Variants in RAPGEF5 observed in about 807,000 individuals in gnomAD.
The protein encoded by RAPGEF5 is M-Ras-regulated GEF.
Under a neutral mutation model 125.2 loss-of-function variants are expected in RAPGEF5, and 65 were observed. The observed-to-expected ratio is 0.52, with a 90% CI of 0.43 to 0.64. The LOEUF (loss-of-function observed/expected upper bound fraction) is 0.64, where lower values mean the gene tolerates loss of function less well. RAPGEF5 is among the 30% of genes least tolerant of loss of function. The pLI, the probability that RAPGEF5 is intolerant of heterozygous loss-of-function variation, is 0.00. For missense variants in RAPGEF5, 958 were observed against 1,048.1 expected (o/e 0.91, Z 1.19); for synonymous variants, 391 against 385.9 (o/e 1.01, Z -0.16).
intron 24 of RAPGEF5, among the ~76,000 whole-genome samples, chr7:22,128,311 T>C (rs1479076235): frequency 1.3e-5 from 2 of 152,204 alleles, no homozygotes; most frequent in African/African-American, 4.8e-5. Context: ...GCAAGGAATG[T>C]AGCATAAAGA....
chr7:22,132,454 ACT>A (rs1372506119), intron 23 of RAPGEF5, among the ~76,000 whole-genome samples: 1 of 151,978 alleles, frequency 6.6e-6, no homozygotes, highest in Non-Finnish European at 1.5e-5. Context: ...CTCCTGACAA[ACT>A]CTCTGGTTAT....
intron 1 of RAPGEF5, 74 bp from the exon 2 acceptor site, chr7:22,318,111 A>T (rs1783640205): frequency 1.4e-6 from 2 of 1,443,158 alleles, no homozygotes; most frequent in Admixed American, 5.7e-5. Context: ...AACATAAGCA[A>T]CAGTGGCCAG....
At chr7:22,226,836 A>G (rs1367744140) in intron 8 of RAPGEF5, among the ~76,000 whole-genome samples, 1 of 152,146 alleles carries the variant, frequency 6.6e-6, no homozygotes, top group Non-Finnish European at 1.5e-5. Context: ...TTTGTATAGG[A>G]TGGACAGACC....
intron 7 of RAPGEF5, among the ~76,000 whole-genome samples, chr7:22,251,402 T>C (rs1216812041): frequency 1.3e-5 from 2 of 152,198 alleles, no homozygotes; most frequent in Admixed American, 6.5e-5. Flanking sequence ...ATTAGCATAA[T>C]GGCCTCTTGG....
chr7:22,136,148 A>G (rs758118786), intron 22 of RAPGEF5, 23 bp from the exon 23 acceptor site: 1 of 1,537,694 alleles, frequency 6.5e-7, no homozygotes, highest in Admixed American at 1.9e-5. Context: ...GCAGATTACA[A>G]AGAGAAAGAA....
chr7:22,199,113 G>T (rs1785217319), intron 9 of RAPGEF5, among the ~76,000 whole-genome samples: 1 of 152,184 alleles, frequency 6.6e-6, no homozygotes, highest in South Asian at 2.1e-4. Flanking sequence ...AGCATAGCCG[G>T]TTTTTAGTTC....
At chr7:22,217,446 C>T (rs779976350) in intron 9 of RAPGEF5, among the ~76,000 whole-genome samples, 15 of 152,198 alleles carry the variant, frequency 9.9e-5, no homozygotes, top group Non-Finnish European at 1.9e-4. Context: ...GGTATAGGCA[C>T]ATCAAATGCC....
chr7:22,285,157 C>A (rs974309509), intron 6 of RAPGEF5, among the ~76,000 whole-genome samples: 1 of 152,182 alleles, frequency 6.6e-6, no homozygotes. Context: ...CGGCTCACAG[C>A]TGCTGCCCAG....
At chr7:22,288,059 C>T (rs1782839857) in intron 6 of RAPGEF5, among the ~76,000 whole-genome samples, 1 of 152,180 alleles carries the variant, frequency 6.6e-6, no homozygotes, top group African/African-American at 2.4e-5. Flanking sequence ...GTCTTTTAGC[C>T]TGGGGATTTT....
At chr7:22,138,027 A>ACG (rs1562709810) in intron 21 of RAPGEF5, among the ~76,000 whole-genome samples, 1 of 151,336 alleles carries the variant, frequency 6.6e-6, no homozygotes. Context: ...ACACACACAC[A>ACG]CACACACGCA....
In RAPGEF5 at chr7:22,143,940, C is replaced by T. The variant is rs138470928; in HGVS notation, c.2186+1104G>A. On this transcript the variant is annotated intron_variant, in intron 20 of 25. Transcript: ENST00000665637. ...GTACACATCTGTACATGTAAGTGAT[C>T]AATATATAGTTTCTGAATATGCTGC... Among the ~76,000 whole-genome samples, 451 of 152,290 alleles carry T rather than the reference C, an allele frequency of 3.0e-3. 1 individual carries two copies. The highest frequency in any genetic ancestry group is 9.3e-3 in the African/African-American group (387 of 41,562).
chr7:22,123,310 C>T (rs1055203633), intron 25 of RAPGEF5, among the ~76,000 whole-genome samples: 1 of 152,132 alleles, frequency 6.6e-6, no homozygotes, highest in Admixed American at 6.5e-5. Context: ...GCATGAACCA[C>T]GAGGCAAGCC....
chr7:22,268,076 C>A lies in RAPGEF5; in HGVS notation c.748-1064G>T, dbSNP rs750205994. On this transcript the variant is annotated intron_variant, in intron 6 of 25. Coordinates refer to ENST00000665637, the MANE Select transcript of RAPGEF5 (RefSeq NM_012294.5). The stretch of plus-strand genomic sequence containing the variant: ...AACAGCCAGGGCATTATCACCCCTG[C>A]AGAAGGCAGCTTGTCCCATCTGTCT... 8.5e-4 allele frequency among the ~76,000 whole-genome samples: 130 copies of A among 152,208 alleles called. 2 individuals carry two copies. Among genetic ancestry groups the A allele is most frequent in the Non-Finnish European group, 2.4e-4 (16 of 68,040 alleles).
chr7:22,191,206 CAT>C (rs748220839), intron 11 of RAPGEF5, among the ~76,000 whole-genome samples: 11 of 152,124 alleles, frequency 7.2e-5, no homozygotes, highest in African/African-American at 1.4e-4. Context: ...TCAATTTGCA[CAT>C]GACATTTATT....
At chr7:22,308,253 A>T in intron 5 of RAPGEF5, 86 bp downstream of exon 5, 1 of 1,281,132 alleles carries the variant, frequency 7.8e-7, no homozygotes, top group Non-Finnish European at 1.0e-6. Context: ...TGAGACAGTG[A>T]TCTTAAAGAG....
chr7:22,193,012 G>A (rs921683335), intron 11 of RAPGEF5: 4 of 298,480 alleles, frequency 1.3e-5, no homozygotes, highest in Middle Eastern at 1.0e-3. Flanking sequence ...CCAGGTGAAC[G>A]CCTGCTAACC....
At chr7:22,130,166 T>C (rs10228690) in intron 24 of RAPGEF5, among the ~76,000 whole-genome samples, 1 of 152,144 alleles carries the variant, frequency 6.6e-6, no homozygotes, top group African/African-American at 2.4e-5. Context: ...GTTACTGGTA[T>C]CGTCTTTAAC....
chr7:22,331,013 C>T (rs951406036), intron 1 of RAPGEF5, among the ~76,000 whole-genome samples: 1 of 152,130 alleles, frequency 6.6e-6, no homozygotes, highest in African/African-American at 2.4e-5. Context: ...AGCTTTGATC[C>T]CTGCCCCACA....
At chr7:22,276,546 T>C (rs1002244928) in intron 6 of RAPGEF5, among the ~76,000 whole-genome samples, 12 of 152,170 alleles carry the variant, frequency 7.9e-5, no homozygotes, top group African/African-American at 2.7e-4. Context: ...TGTAGGGATG[T>C]TACATTACAA....
Sources: gnomAD v4.1 joint callset for allele counts (sites outside exome capture counted in the v4.1 genomes callset) on GRCh38, gnomAD v4.1.1 for gene constraint, MANE v1.5 for transcripts, NCBI Gene and HGNC (gene_info 2026-07-23, HGNC 2026-07-21) for gene names.